CAMK2B: variants seen among roughly 807,000 people sequenced by gnomAD.
CAMK2B encodes the protein calcium/calmodulin-dependent protein kinase type II subunit beta.
Under a neutral mutation model 93.7 loss-of-function variants are expected in CAMK2B, and 27 were observed. The ratio of observed to expected loss-of-function variants is 0.29; its 90% CI spans 0.21 to 0.40. CAMK2B has a LOEUF of 0.40. Among genes scored for constraint, CAMK2B ranks in the 10% least tolerant of loss-of-function variants. The pLI is 1.00. For synonymous variants in CAMK2B, 374 were observed against 358.8 expected (o/e 1.04, Z -0.48); for missense variants, 568 against 895.8 (o/e 0.63, Z 4.67).
Position 44,220,641 on chromosome 7 carries a change from G to A in CAMK2B, c.1743C>T (p.Asp581=). ...GGTTCTCGAAGTAGAATCTGTGGAA[G>A]TCCATCCCTTCAACCAGGTTGCCCA... is the stretch of plus-strand genomic sequence containing the variant. The part of the protein sequence containing the change: ...EALGNLVEGM[D]FHRFYFENLL... The change falls in exon 22 of 24, where the codon GAC becomes GAT. Residue 581 remains aspartate (D), a synonymous_variant. Coordinates refer to ENST00000395749, the MANE Select transcript of CAMK2B (RefSeq NM_001220.5). The A allele has an allele frequency of 4.3e-6, 7 of 1,613,704 alleles. No homozygotes were observed. Among genetic ancestry groups the A allele is most frequent in the Non-Finnish European group, 5.9e-6 (7 of 1,179,900 alleles).
Position 44,325,591 on chromosome 7 carries a change from A to T in CAMK2B, c.-170T>A, listed in dbSNP as rs2116770601. 5.6e-6 allele frequency: 1 copy of T among 178,966 alleles called. No homozygotes were observed. Among genetic ancestry groups the T allele is most frequent in the South Asian group, 1.7e-4 (1 of 5,818 alleles). 11.1% of individuals were successfully genotyped at this position (178,966 alleles called of 1,614,324 possible). A position where few individuals can be genotyped will look rare whatever the true frequency, so the allele number is the denominator to read the frequency against. The stretch of plus-strand genomic sequence containing the variant: ...GCGCCGGGCGGCGAGCGCACGCGAG[A>T]TCTGCTCGCTCCGTCCTCGCCAGGA... On this transcript the variant is annotated 5_prime_UTR_variant, in exon 1 of 24. Coordinates refer to ENST00000395749, the MANE Select transcript of CAMK2B (RefSeq NM_001220.5).
In CAMK2B at chr7:44,220,599, C is replaced by T. The variant is rs772348049; in HGVS notation, c.1768+17G>A. ...GGGGCACCGCCCCCTCATGCCCACCCGGGCTTCCTCACTCACGGTTCTCGA... is the reference window on the plus strand; with the variant it reads ...GGGGCACCGCCCCCTCATGCCCACCTGGGCTTCCTCACTCACGGTTCTCGA... On this transcript the variant is annotated intron_variant, in intron 22 of 23. Transcript: ENST00000395749. The T allele has an allele frequency of 2.2e-5, 36 of 1,606,160 alleles. No homozygotes were observed. Among genetic ancestry groups the T allele is most frequent in the East Asian group, 8.9e-5 (4 of 44,822 alleles).
intron 6 of CAMK2B, among the ~76,000 whole-genome samples, chr7:44,244,700 C>CCAGAAT (rs531167279): frequency 1.4e-3 from 206 of 151,854 alleles, no homozygotes; most frequent in African/African-American, 4.2e-3. Flanking sequence ...AAAGTGACCC[C>CCAGAAT]CAGAATGAAT....
At chr7:44,322,201 G>A (rs1796285348) in intron 1 of CAMK2B, among the ~76,000 whole-genome samples, 1 of 152,200 alleles carries the variant, frequency 6.6e-6, no homozygotes. Context: ...CAAGACTGTT[G>A]AGTGAAAAGT....
chr7:44,257,117 C>T (rs1215596105), intron 4 of CAMK2B, among the ~76,000 whole-genome samples: 1 of 152,320 alleles, frequency 6.6e-6, no homozygotes, highest in Non-Finnish European at 1.5e-5. Context: ...CTGTGACATT[C>T]CCAAGCAAGG....
In CAMK2B at chr7:44,228,908, G is replaced by T; in HGVS notation, c.1356C>A (p.Asp452Glu). The T allele has an allele frequency of 6.2e-7, 1 of 1,608,896 alleles. No individual in the cohort carries two copies. ...AACCCCTTCTCACAGAGTTCAGGAT[G>T]TCAGAGATCCTGGGGGCTGGGGTGG... ...PLPAPSPRIS[D>E]ILNSVRRGSG... is the part of the protein sequence containing the mutation. The change falls in exon 19 of 24, where the codon GAC (aspartate) becomes GAA (glutamate). Residue 452 changes from aspartate (D) to glutamate (E), a missense_variant. Transcript: ENST00000395749.
At chr7:44,283,029 C>T (rs963083467) in intron 2 of CAMK2B, among the ~76,000 whole-genome samples, 10 of 152,208 alleles carry the variant, frequency 6.6e-5, no homozygotes, top group African/African-American at 1.7e-4. Context: ...TCCATGGAAC[C>T]CCACCATACG....
At chr7:44,303,662 T>C (rs916114606) in intron 1 of CAMK2B, among the ~76,000 whole-genome samples, 7 of 152,172 alleles carry the variant, frequency 4.6e-5, no homozygotes, top group African/African-American at 1.4e-4. Flanking sequence ...AAAAATAACA[T>C]AGAAAATCTG....
chr7:44,226,464 C>T (rs985493293), intron 20 of CAMK2B, 52 bp downstream of exon 20: 9 of 1,344,408 alleles, frequency 6.7e-6, no homozygotes, highest in African/African-American at 1.5e-5. Context: ...GGCTCGCACG[C>T]CCCGAGCCCC....
chr7:44,255,885 C>A (rs1350578872), intron 4 of CAMK2B, among the ~76,000 whole-genome samples: 1 of 152,350 alleles, frequency 6.6e-6, no homozygotes, highest in East Asian at 1.9e-4. Flanking sequence ...TGAATCCCCT[C>A]AAAATCCTTC....
intron 1 of CAMK2B, among the ~76,000 whole-genome samples, chr7:44,317,248 G>GA (rs556397526): frequency 0.029 from 3,009 of 105,056 alleles, 38 homozygotes; most frequent in Admixed American, 0.065. Flanking sequence ...CAGGAAAAAT[G>GA]AAAAAAAAAA....
At chr7:44,250,009 C>G (rs981972314) in intron 5 of CAMK2B, among the ~76,000 whole-genome samples, 1 of 152,220 alleles carries the variant, frequency 6.6e-6, no homozygotes, top group African/African-American at 2.4e-5. Context: ...GGACTTGGCA[C>G]GTGTTGCTGA....
chr7:44,239,703 G>T, intron 12 of CAMK2B, 40 bp from the exon 13 acceptor site: 3 of 1,410,088 alleles, frequency 2.1e-6, no homozygotes, highest in Non-Finnish European at 2.9e-6. Flanking sequence ...AGGGAGGGGT[G>T]GGCGGACACA....
intron 1 of CAMK2B, among the ~76,000 whole-genome samples, chr7:44,305,059 C>T (rs1301959966): frequency 6.6e-6 from 1 of 152,166 alleles, no homozygotes; most frequent in Non-Finnish European, 1.5e-5. Flanking sequence ...TTTAAAACTT[C>T]ACTGTGACCT....
Position 44,311,354 on chromosome 7 carries a change from G to A in CAMK2B, c.65+14003C>T, listed in dbSNP as rs1222702640. Among the ~76,000 whole-genome samples, 1 of 152,206 alleles carries A rather than the reference G, an allele frequency of 6.6e-6. No individual in the cohort carries two copies. The highest frequency in any genetic ancestry group is 1.5e-5 in the Non-Finnish European group (1 of 68,046). Reference sequence around the variant, plus strand: ...GCCTCCCAAAGTGCTGGGATTACAGGCGTGAGCCACCGCACTCAGCCAAAA... The same window carrying A: ...GCCTCCCAAAGTGCTGGGATTACAGACGTGAGCCACCGCACTCAGCCAAAA... On this transcript the variant is annotated intron_variant, in intron 1 of 23. Coordinates refer to ENST00000395749, the MANE Select transcript of CAMK2B (RefSeq NM_001220.5). The surrounding 1 kb of genome is among the most constrained non-coding windows in gnomAD (Gnocchi z 4.2).
chr7:44,256,672 G>A (rs2096836756), intron 4 of CAMK2B, among the ~76,000 whole-genome samples: 1 of 152,248 alleles, frequency 6.6e-6, no homozygotes, highest in Non-Finnish European at 1.5e-5. Context: ...TGCAGACGCC[G>A]AGTCCAGGCA....
rs2096555627 is a variant in CAMK2B, at chr7:44,229,376, C to A, written c.1339+12G>T. ...ACATGACCCCCACAGCAGCAGGACC[C>A]AGGCTACTTACATGGGGCTGGCAGG... On this transcript the variant is annotated intron_variant, in intron 18 of 23. Coordinates refer to ENST00000395749, the MANE Select transcript of CAMK2B (RefSeq NM_001220.5). 6.6e-7 allele frequency: 1 copy of A among 1,509,600 alleles called. No individual in the cohort carries two copies. Among genetic ancestry groups the A allele is most frequent in the Non-Finnish European group, 8.9e-7 (1 of 1,121,112 alleles). The allele number at this position is 1,509,600 out of a possible 1,614,324, so 93.5% of individuals were successfully genotyped here. A position where few individuals can be genotyped will look rare whatever the true frequency, so the allele number is the denominator to read the frequency against.
chr7:44,307,016 A>AGG (rs1791920552), intron 1 of CAMK2B, among the ~76,000 whole-genome samples: 38 of 23,454 alleles, frequency 1.6e-3, no homozygotes, highest in Admixed American at 2.0e-3. Context: ...GTGAGCAGGA[A>AGG]GAAGAGGGTG....
rs1048025660 is a variant in CAMK2B, at chr7:44,324,467, C to G, written c.65+890G>C. On this transcript the variant is annotated intron_variant, in intron 1 of 23. Transcript: ENST00000395749. ...CCCTGAGGCGCTCCCCATCTCACCCCAGGGGCAAAGCCGGGTCCGGGGACC... is the reference window on the plus strand; with the variant it reads ...CCCTGAGGCGCTCCCCATCTCACCCGAGGGGCAAAGCCGGGTCCGGGGACC... Among the ~76,000 whole-genome samples the G allele has an allele frequency of 6.6e-5, 10 of 152,294 alleles. 1 individual carries two copies. In the South Asian group the frequency reaches 2.1e-3, roughly 32 times the overall value.
Sources: gnomAD v4.1 joint callset for allele counts (sites outside exome capture counted in the v4.1 genomes callset) on GRCh38, gnomAD v4.1.1 for gene constraint, Gnocchi (gnomAD v3.1) non-coding constraint, MANE v1.5 for transcripts, NCBI Gene and HGNC (gene_info 2026-07-23, HGNC 2026-07-21) for gene names.